The following BHLHE41 variants were observed in gnomAD, a reference collection of about 807,000 sequenced individuals.
The protein encoded by BHLHE41 is basic helix-loop-helix family member e41.
Under a neutral mutation model 24.0 loss-of-function variants are expected in BHLHE41, and 14 were observed. The observed-to-expected ratio is 0.58, with a 90% confidence interval of 0.39 to 0.91. The LOEUF is 0.91. Among genes scored for constraint, BHLHE41 ranks in the 40% least tolerant of loss-of-function variants. BHLHE41 has a pLI of 0.00. For synonymous variants in BHLHE41, 394 were observed against 315.5 expected, an observed-to-expected ratio of 1.25 and a Z score of -2.64; for missense variants, 674 against 655.4, an observed-to-expected ratio of 1.03 and a Z score of -0.31.
rs1944322581 is a variant in BHLHE41, at chr12:26,122,679, C to T, written c.836G>A (p.Arg279Lys). 4 of 1,549,174 alleles carry T rather than the reference C, an allele frequency of 2.6e-6. No individual in the cohort carries two copies. The highest frequency in any genetic ancestry group is 2.6e-5 in the East Asian group (1 of 38,220). Residue 279 changes from arginine (R) to lysine (K), a missense_variant, in exon 5 of 5, where the codon AGG (arginine) becomes AAG (lysine). Arg to Lys is a conservative substitution (Grantham distance 26). This residue lies in a region of BHLHE41 where 602 missense variants were observed against 570.8 expected (regional missense o/e 1.05). Transcript: ENST00000242728. ...GCCGCCGCGGGAATCCAGCTTCATCCTCTTGGGCGCCGGCGAGTCCTCCCC... is the reference window on the plus strand; with the variant it reads ...GCCGCCGCGGGAATCCAGCTTCATCTTCTTGGGCGCCGGCGAGTCCTCCCC... ...PPGEDSPAPKRMKLDSRGGGS... is the reference protein window; with the variant it reads ...PPGEDSPAPKKMKLDSRGGGS...
chr12:26,123,194 G>C, intron 4 of BHLHE41, 26 bp from the exon 5 acceptor site: 1 of 1,556,722 alleles, frequency 6.4e-7, no homozygotes, highest in Non-Finnish European at 8.7e-7. Flanking sequence ...GATGGGGGTG[G>C]GGGACGGAGG....
chr12:26,122,407 T>C lies in BHLHE41; in HGVS notation c.1108A>G (p.Ser370Gly). ...AAYVQPFLDK[S>G]GLEKYLYPAA... Reference sequence around the variant, plus strand: ...GGGTACAGATACTTCTCCAGGCCGCTCTTGTCCAGGAAGGGCTGCACGTAG... The same window carrying C: ...GGGTACAGATACTTCTCCAGGCCGCCCTTGTCCAGGAAGGGCTGCACGTAG... The change falls in exon 5 of 5, where the codon AGC becomes GGC. Residue 370 changes from serine to glycine, a missense_variant. By Grantham distance (56) the Ser-to-Gly change is moderately conservative. Transcript: ENST00000242728. 2.3e-6 allele frequency: 3 copies of C among 1,299,818 alleles called. No homozygotes were observed. Among genetic ancestry groups the C allele is most frequent in the Non-Finnish European group, 3.0e-6 (3 of 1,014,632 alleles). The allele number at this position is 1,299,818 out of a possible 1,614,324, so 80.5% of individuals were successfully genotyped here.
Position 26,124,896 on chromosome 12 carries a change from T to C in BHLHE41, c.-117A>G. The C allele has an allele frequency of 9.7e-7, 1 of 1,031,530 alleles. No individual in the cohort carries two copies. The highest frequency in any genetic ancestry group is 1.5e-6 in the Non-Finnish European group (1 of 660,282). 63.9% of individuals were successfully genotyped at this position (1,031,530 alleles called of 1,614,324 possible). Reference sequence around the variant, plus strand: ...TGTGCGTCTCCAGTCTCTCTCTCGCTCTCCCTCTTCAGTGCAGTGTTGAAA... The same window carrying C: ...TGTGCGTCTCCAGTCTCTCTCTCGCCCTCCCTCTTCAGTGCAGTGTTGAAA... On this transcript the variant is annotated 5_prime_UTR_variant, in exon 1 of 5. Transcript: ENST00000242728.
rs1489422149 is a variant in BHLHE41 at position 26,124,995 on chromosome 12, C to T, written c.-216G>A. On this transcript the variant is annotated 5_prime_UTR_variant, in exon 1 of 5. Transcript: ENST00000242728. ...GCACACACACGCACACTCGCGCCGG[C>T]CCCACTGCGCTGGTAGTTTGCTCTC... The T allele has an allele frequency of 1.4e-5, 9 of 635,954 alleles. No individual in the cohort carries two copies. The highest frequency in any genetic ancestry group is 2.3e-5 in the Non-Finnish European group (8 of 350,858). The allele number at this position is 635,954 out of a possible 1,614,324, so 39.4% of individuals were successfully genotyped here.
In BHLHE41 at chr12:26,122,685, G is replaced by A; in HGVS notation, c.830C>T (p.Pro277Leu). ...GCGGGAATCCAGCTTCATCCTCTTGGGCGCCGGCGAGTCCTCCCCGGGAGG... is the reference window on the plus strand; with the variant it reads ...GCGGGAATCCAGCTTCATCCTCTTGAGCGCCGGCGAGTCCTCCCCGGGAGG... ...QEPPGEDSPA[P>L]KRMKLDSRGG... The change falls in exon 5 of 5, where the codon CCC becomes CTC. Residue 277 changes from proline to leucine, a missense_variant. Transcript: ENST00000242728. The A allele has an allele frequency of 1.9e-6, 3 of 1,553,354 alleles. No individual in the cohort carries two copies. Among genetic ancestry groups the A allele is most frequent in the Non-Finnish European group, 2.6e-6 (3 of 1,155,446 alleles).
chr12:26,124,252 T>TGGGGGGGGGGGGGGGGGCGGGGG, intron 2 of BHLHE41, 73 bp from the exon 3 acceptor site: 1 of 879,458 alleles, frequency 1.1e-6, no homozygotes, highest in Non-Finnish European at 1.8e-6. Context: ...TACCCTCGTC[T>TGGGGGGGGGGGGGGGGGCGGGGG]GCCCCCCCCG....
Position 26,124,827 on chromosome 12 carries a change from C to CAAT in BHLHE41, c.-51_-49dup. ...CTGTTTCGATTTTTGGGGCTCTGTA[C>CAAT]AATAATCTGTGGGACGGTAGGCTTG... On this transcript the variant is annotated 5_prime_UTR_variant, in exon 1 of 5. Coordinates refer to ENST00000242728, the MANE Select transcript of BHLHE41 (RefSeq NM_030762.3). The CAAT allele has an allele frequency of 6.3e-7, 1 of 1,592,948 alleles. No homozygotes were observed. Among genetic ancestry groups the CAAT allele is most frequent in the Non-Finnish European group, 8.6e-7 (1 of 1,161,306 alleles).
At chr12:26,123,578 T>A (rs1477265985) in intron 4 of BHLHE41, 52 bp downstream of exon 4, 2 of 1,306,256 alleles carry the variant, frequency 1.5e-6, no homozygotes, top group Non-Finnish European at 2.2e-6. Context: ...ACTGCTCCCC[T>A]GTGGGCTGCC....
In BHLHE41 at chr12:26,123,264, AT is replaced by A. The variant is rs1412455115; in HGVS notation, c.347-97del. The stretch of plus-strand genomic sequence containing the variant: ...CATCTGCTTATCACGTGGGCCCTGC[AT>A]CGACTAAAGTGATCTCGGTTTTTCC... On this transcript the variant is annotated intron_variant, in intron 4 of 4. Coordinates refer to ENST00000242728, the MANE Select transcript of BHLHE41 (RefSeq NM_030762.3). 6.3e-5 allele frequency: 90 copies of A among 1,423,046 alleles called. No individual in the cohort carries two copies. In the African/African-American group the frequency reaches 1.2e-3, roughly 19 times the overall value. The allele number at this position is 1,423,046 out of a possible 1,614,324, so 88.2% of individuals were successfully genotyped here. A position where few individuals can be genotyped will look rare whatever the true frequency, so the allele number is the denominator to read the frequency against.
intron 4 of BHLHE41, 97 bp from the exon 5 acceptor site, chr12:26,123,265 T>A: frequency 7.1e-7 from 1 of 1,408,570 alleles, no homozygotes; most frequent in South Asian, 1.5e-5. Flanking sequence ...GGGCCCTGCA[T>A]CGACTAAAGT....
At position 26,124,818 on chromosome 12, in the gene BHLHE41, G is replaced by C; in HGVS notation, c.-39C>G. Reference sequence around the variant, plus strand: ...TCGTTTCCTCTGTTTCGATTTTTGGGGCTCTGTACAATAATCTGTGGGACG... The same window carrying C: ...TCGTTTCCTCTGTTTCGATTTTTGGCGCTCTGTACAATAATCTGTGGGACG... On this transcript the variant is annotated 5_prime_UTR_variant, in exon 1 of 5. Coordinates refer to ENST00000242728, the MANE Select transcript of BHLHE41 (RefSeq NM_030762.3). 1 of 1,603,984 alleles carries C rather than the reference G, an allele frequency of 6.2e-7. No homozygotes were observed. Among genetic ancestry groups the C allele is most frequent in the Non-Finnish European group, 8.5e-7 (1 of 1,171,136 alleles).
At position 26,122,421 on chromosome 12, in the gene BHLHE41, G is replaced by C; in HGVS notation, c.1094C>G (p.Pro365Arg). ...SPSAAAAYVQ[P>R]FLDKSGLEKY... ...CTCCAGGCCGCTCTTGTCCAGGAAG[G>C]GCTGCACGTAGGCGGCAGCTGCAGA... Residue 365 changes from proline to arginine, a missense_variant, in exon 5 of 5, where the codon CCC (proline) becomes CGC (arginine). Around this residue, in one of 3 missense-constraint regions of BHLHE41, gnomAD observed 602 missense variants for 570.8 expected, o/e 1.05. Transcript: ENST00000242728. The C allele has an allele frequency of 7.4e-7, 1 of 1,343,018 alleles. No homozygotes were observed. The highest frequency in any genetic ancestry group is 9.6e-7 in the Non-Finnish European group (1 of 1,037,212). 83.2% of individuals were successfully genotyped at this position (1,343,018 alleles called of 1,614,324 possible).
Position 26,123,643 on chromosome 12 carries a change from A to T in BHLHE41, c.333T>A (p.Ile111=). 1 of 1,613,090 alleles carries T rather than the reference A, an allele frequency of 6.2e-7. No homozygotes were observed. The highest frequency in any genetic ancestry group is 8.5e-7 in the Non-Finnish European group (1 of 1,179,034). ...ALTEQQHQKI[I]ALQNGERSLK... is the part of the protein sequence containing the mutation. ...GAACTGACTTACCATTCTGTAAAGC[A>T]ATTATCTTCTGATGCTGTTGCTCGG... The change falls in exon 4 of 5, where the codon ATT becomes ATA. Residue 111 remains isoleucine, a synonymous_variant. Coordinates refer to ENST00000242728, the MANE Select transcript of BHLHE41 (RefSeq NM_030762.3).
Position 26,124,856 on chromosome 12 carries a change from G to A in BHLHE41, c.-77C>T. The A allele has an allele frequency of 7.2e-7, 1 of 1,389,554 alleles. No homozygotes were observed. Among genetic ancestry groups the A allele is most frequent in the South Asian group, 1.2e-5 (1 of 86,582 alleles). The allele number at this position is 1,389,554 out of a possible 1,614,324, so 86.1% of individuals were successfully genotyped here. A position where few individuals can be genotyped will look rare whatever the true frequency, so the allele number is the denominator to read the frequency against. ...AATCTGTGGGACGGTAGGCTTGGGA[G>A]ACCTTGGGGGGATCTGTGCGTCTCC... On this transcript the variant is annotated 5_prime_UTR_variant, in exon 1 of 5. Transcript: ENST00000242728.
In BHLHE41 at chr12:26,123,726, C is replaced by G; in HGVS notation, c.250G>C (p.Glu84Gln). 1 of 1,612,962 alleles carries G rather than the reference C, an allele frequency of 6.2e-7. No homozygotes were observed. The highest frequency in any genetic ancestry group is 8.5e-7 in the Non-Finnish European group (1 of 1,178,930). ...HLKLTTLGHL[E>Q]KAVVLELTLK... The stretch of plus-strand genomic sequence containing the variant: ...GTTAATTCCAAGACTACAGCTTTCT[C>G]CAGATGTCCCAGAGTCTGCAGTGGT... Residue 84 changes from glutamate (E) to glutamine (Q), a missense_variant, in exon 4 of 5, where the codon GAG becomes CAG. Glu to Gln is a conservative substitution (Grantham distance 29). This residue lies in a region of BHLHE41 where 602 missense variants were observed against 570.8 expected (regional missense o/e 1.05). Coordinates refer to ENST00000242728, the MANE Select transcript of BHLHE41 (RefSeq NM_030762.3).
In BHLHE41 at chr12:26,124,076, A is replaced by G; in HGVS notation, c.230T>C (p.Leu77Ser). Residue 77 changes from leucine (L) to serine (S), a missense_variant, in exon 3 of 5, where the codon TTG (leucine) becomes TCG (serine). By Grantham distance (145) the Leu-to-Ser change is moderately radical (BLOSUM62 -2). Coordinates refer to ENST00000242728, the MANE Select transcript of BHLHE41 (RefSeq NM_030762.3). ...LKDLLPEHLK[L>S]TTLGHLEKAV... Reference sequence around the variant, plus strand: ...GAATGAAAATGTGCATCTTACTGTCAATTTCAGATGTTCAGGCAGTAAATC... The same window carrying G: ...GAATGAAAATGTGCATCTTACTGTCGATTTCAGATGTTCAGGCAGTAAATC... The G allele has an allele frequency of 6.3e-7, 1 of 1,598,842 alleles. No homozygotes were observed. The highest frequency in any genetic ancestry group is 8.6e-7 in the Non-Finnish European group (1 of 1,166,014).
Position 26,121,851 on chromosome 12 carries a change from T to C in BHLHE41, c.*215A>G. 8.6e-7 allele frequency: 1 copy of C among 1,162,626 alleles called. No homozygotes were observed. Among genetic ancestry groups the C allele is most frequent in the Non-Finnish European group, 1.2e-6 (1 of 850,980 alleles). 72.0% of individuals were successfully genotyped at this position (1,162,626 alleles called of 1,614,324 possible). ...GGGGGAAGAAAGGGATGTTAGTGTG[T>C]GGAGGGTGGGGTGGTGCGGGATGAG... On this transcript the variant is annotated 3_prime_UTR_variant, in exon 5 of 5. Transcript: ENST00000242728.
At chr12:26,123,356 G>A (rs1275562263) in intron 4 of BHLHE41, among the ~76,000 whole-genome samples, 188 bp from the exon 5 acceptor site, 2 of 152,184 alleles carry the variant, frequency 1.3e-5, no homozygotes, top group Non-Finnish European at 2.9e-5. Context: ...TGCGGAGCGG[G>A]GAGAGGGCGC....
chr12:26,124,348 C>A (rs1196304879), intron 2 of BHLHE41, among the ~76,000 whole-genome samples, 169 bp from the exon 3 acceptor site: 1 of 138,660 alleles, frequency 7.2e-6, no homozygotes, highest in African/African-American at 2.7e-5. Context: ...AATTTAAATT[C>A]AGGTATGATG....
Sources: allele counts gnomAD v4.1 joint callset (sites outside exome capture counted in the v4.1 genomes callset), GRCh38; gene constraint gnomAD v4.1.1; regional missense constraint gnomAD v4.1.1; transcripts MANE v1.5; gene names NCBI Gene and HGNC (gene_info 2026-07-23, HGNC 2026-07-21).